The following ZNF8 variants were observed in gnomAD, a reference collection of about 807,000 sequenced individuals.
The protein encoded by ZNF8 is zinc finger protein 272.
A neutral mutation model predicts 12.2 loss-of-function variants in ZNF8; 9 were observed. The observed-to-expected ratio is 0.73, with a 90% CI of 0.44 to 1.28. The LOEUF (loss-of-function observed/expected upper bound fraction) is 1.28. ZNF8 is among the 50% of genes most tolerant of loss of function. The pLI, the probability that ZNF8 is intolerant of heterozygous loss-of-function variation, is 0.00. For missense variants in ZNF8, 664 were observed against 729.1 expected (o/e 0.91, Z 1.03); for synonymous variants, 274 against 282.3 (o/e 0.97, Z 0.30).
intron 1 of ZNF8, among the ~76,000 whole-genome samples, chr19:58,282,492 T>C (rs1211770840): frequency 2.0e-5 from 3 of 152,222 alleles, no homozygotes; most frequent in Non-Finnish European, 4.4e-5. Flanking sequence ...TTTGATGAAG[T>C]CCAATTGATT....
Position 58,279,906 on chromosome 19 carries a change from G to T in ZNF8, c.66+759G>T, listed in dbSNP as rs879285026. The T allele has an allele frequency of 1.1e-3, 1,270 of 1,194,546 alleles. 2 individuals are homozygous for T. Among genetic ancestry groups the T allele is most frequent in the Admixed American group, 1.4e-3 (44 of 31,754 alleles). The allele number at this position is 1,194,546 out of a possible 1,614,324, so 74.0% of individuals were successfully genotyped here. A position where few individuals can be genotyped will look rare whatever the true frequency, so the allele number is the denominator to read the frequency against. ...TTTTTTTATTTTTTGTCGTTGGTTT[G>T]TTCATGGGGATTTGCATTATTTCAG... On this transcript the variant is annotated intron_variant, in intron 1 of 3. Coordinates refer to ENST00000621650, the MANE Select transcript of ZNF8 (RefSeq NM_021089.3).
chr19:58,282,062 G>A (rs1018639701), intron 1 of ZNF8, among the ~76,000 whole-genome samples: 1 of 152,184 alleles, frequency 6.6e-6, no homozygotes, highest in East Asian at 1.9e-4. Context: ...GCAGTGAACC[G>A]AGATTGCACC....
intron 1 of ZNF8, among the ~76,000 whole-genome samples, chr19:58,280,788 C>T (rs767841467): frequency 1.3e-5 from 2 of 152,208 alleles, no homozygotes; most frequent in Non-Finnish European, 2.9e-5. Context: ...AATGTTTCCT[C>T]GTCTTTTCCA....
rs565267405 is a variant in ZNF8, at chr19:58,279,749, G to A, written c.66+602G>A. The stretch of plus-strand genomic sequence containing the variant: ...AGTGCAGGGCGGTCAGTGTTTGCAG[G>A]GCCATCTGGCCATCAGAGCTCCACT... On this transcript the variant is annotated intron_variant, in intron 1 of 3. Transcript: ENST00000621650. 4,846 of 1,504,412 alleles carry A rather than the reference G, an allele frequency of 3.2e-3. 16 individuals are homozygous for A. Among genetic ancestry groups the A allele is most frequent in the South Asian group, 3.8e-3 (314 of 82,926 alleles). 93.2% of individuals were successfully genotyped at this position (1,504,412 alleles called of 1,614,324 possible).
At chr19:58,279,990 G>A (rs2147952523) in intron 1 of ZNF8, 1 of 663,412 alleles carries the variant, frequency 1.5e-6, no homozygotes, top group Non-Finnish European at 2.1e-6. Context: ...GATGTGTGTT[G>A]CTCCAAATTT....
Position 58,286,123 on chromosome 19 carries a change from G to A in ZNF8, c.207G>A (p.Pro69=), listed in dbSNP as rs774247933. The change falls in exon 3 of 4, where the codon CCG becomes CCA. Residue 69 remains proline, a synonymous_variant. Coordinates refer to ENST00000621650, the MANE Select transcript of ZNF8 (RefSeq NM_021089.3). ...CCCCATTTCCAGGTCCTGAGCTTCC[G>A]AAGCCTGAAGTCATCTCCCAGCTGG... ...GHLLSIGPEL[P]KPEVISQLEQ... The A allele has an allele frequency of 9.9e-6, 16 of 1,613,930 alleles. No homozygotes were observed. The highest frequency in any genetic ancestry group is 2.2e-5 in the East Asian group (1 of 44,892).
chr19:58,288,821 G>C (rs757407641), intron 3 of ZNF8, among the ~76,000 whole-genome samples: 1 of 152,168 alleles, frequency 6.6e-6, no homozygotes. Flanking sequence ...GGAGTCGGGT[G>C]AATCTGCTGC....
chr19:58,287,792 ATTTTTTTGATTT>A (rs1268532186), intron 3 of ZNF8, among the ~76,000 whole-genome samples: 2 of 144,832 alleles, frequency 1.4e-5, no homozygotes, highest in African/African-American at 5.1e-5. Context: ...TGTCCAGCTG[ATTTTTTTGATTT>A]TTTTCTTTTT....
chr19:58,300,312 C>G lies in ZNF8; in HGVS notation c.*4776C>G, dbSNP rs982560451. 3 of 152,252 alleles carry G rather than the reference C, an allele frequency of 2.0e-5. No homozygotes were observed. In the East Asian group the frequency reaches 5.8e-4, roughly 29 times the overall value. 9.4% of individuals were successfully genotyped at this position (152,252 alleles called of 1,614,324 possible). ...TCAGCTGTGTCACAGTCGATGTTTT[C>G]TGCAATCTCTCAACCTTTCCATTGT... On this transcript the variant is annotated 3_prime_UTR_variant, in exon 4 of 4. Coordinates refer to ENST00000621650, the MANE Select transcript of ZNF8 (RefSeq NM_021089.3).
intron 1 of ZNF8, among the ~76,000 whole-genome samples, chr19:58,283,413 A>G (rs1201539828): frequency 6.6e-6 from 1 of 152,104 alleles, no homozygotes; most frequent in Non-Finnish European, 1.5e-5. Context: ...AGATAAGGTT[A>G]TCAGGATTGG....
Position 58,294,619 on chromosome 19 carries a change from C to A in ZNF8, c.811C>A (p.His271Asn). 1 of 1,614,170 alleles carries A rather than the reference C, an allele frequency of 6.2e-7. No homozygotes were observed. Among genetic ancestry groups the A allele is most frequent in the Non-Finnish European group, 8.5e-7 (1 of 1,180,046 alleles). The change falls in exon 4 of 4, where the codon CAC becomes AAC. Residue 271 changes from histidine to asparagine, a missense_variant. Transcript: ENST00000621650. The surrounding 1 kb of genome is among the most constrained non-coding windows in gnomAD (Gnocchi z 5.5). ...DCGKSFNHNA[H>N]LTVHKRIHTG... ...TGGGAAGTCGTTTAACCATAACGCA[C>A]ACCTCACCGTGCACAAGAGGATTCA...
Position 58,285,754 on chromosome 19 carries a change from C to G in ZNF8, c.104C>G (p.Thr35Ser). The change falls in exon 2 of 4, where the codon ACC becomes AGC. Residue 35 changes from threonine (T) to serine (S), a missense_variant. By Grantham distance (58) the Thr-to-Ser change is moderately conservative. This residue lies in a region of ZNF8 where 306 missense variants were observed against 308.7 expected (regional missense o/e 0.99). Transcript: ENST00000621650. ...VTFRDVAVDF[T>S]QEEWGQLDPT... is the part of the protein sequence containing the mutation. ...TTCCGGGATGTGGCTGTGGACTTTA[C>G]CCAGGAGGAATGGGGGCAGCTGGAC... 6.2e-7 allele frequency: 1 copy of G among 1,614,180 alleles called. No homozygotes were observed. The highest frequency in any genetic ancestry group is 1.1e-5 in the South Asian group (1 of 91,080).
In ZNF8 at chr19:58,279,154, A is replaced by C; in HGVS notation, c.66+7A>C. 1 of 1,558,890 alleles carries C rather than the reference A, an allele frequency of 6.4e-7. No individual in the cohort carries two copies. The highest frequency in any genetic ancestry group is 8.7e-7 in the Non-Finnish European group (1 of 1,152,588). On this transcript the variant is annotated splice_region_variant and intron_variant, in intron 1 of 3. Coordinates refer to ENST00000621650, the MANE Select transcript of ZNF8 (RefSeq NM_021089.3). The stretch of plus-strand genomic sequence containing the variant: ...GCCGGCGGCCCGGCTTCAGGTAACA[A>C]TAACAACAATAACGACGGCGGCGGG...
At chr19:58,281,855 G>A (rs2051352290) in intron 1 of ZNF8, among the ~76,000 whole-genome samples, 1 of 152,172 alleles carries the variant, frequency 6.6e-6, no homozygotes, top group South Asian at 2.1e-4. Flanking sequence ...GCTCATGCCT[G>A]TAATCCCAGC....
Position 58,294,298 on chromosome 19 carries a change from A to C in ZNF8, c.490A>C (p.Lys164Gln). The C allele has an allele frequency of 6.2e-7, 1 of 1,614,162 alleles. No individual in the cohort carries two copies. ...CTTGAAGCAGTTGGAATTTGGCCTC[A>C]AGGAAGCACCAGTTCAAGATCAAGG... ...NNLKQLEFGL[K>Q]EAPVQDQGYK... Residue 164 changes from lysine to glutamine, a missense_variant, in exon 4 of 4, where the codon AAG becomes CAG. Physicochemically the swap from Lys to Gln is moderately conservative, Grantham distance 53. Transcript: ENST00000621650. The surrounding 1 kb of genome is among the most constrained non-coding windows in gnomAD (Gnocchi z 5.5).
chr19:58,287,324 C>A (rs2051389531), intron 3 of ZNF8, among the ~76,000 whole-genome samples: 1 of 149,894 alleles, frequency 6.7e-6, no homozygotes, highest in Non-Finnish European at 1.5e-5. Context: ...CAGGCGTGAG[C>A]CACCATGCCC....
intron 3 of ZNF8, among the ~76,000 whole-genome samples, chr19:58,292,925 CCT>C (rs1036574533): frequency 2.6e-5 from 4 of 151,210 alleles, no homozygotes; most frequent in African/African-American, 9.7e-5. Flanking sequence ...TTAGAATAAA[CCT>C]CTGGGTGCTA....
At chr19:58,287,849 T>TTTTC (rs1406858708) in intron 3 of ZNF8, among the ~76,000 whole-genome samples, 1 of 143,094 alleles carries the variant, frequency 7.0e-6, no homozygotes, top group East Asian at 2.0e-4. Flanking sequence ...TTTTCTTTTT[T>TTTTC]TTTCTTTCTT....
chr19:58,294,121 C>T lies in ZNF8; in HGVS notation c.313C>T (p.Gln105Ter). Residue 105 changes from glutamine to a stop codon, truncating the protein, a stop_gained, in exon 4 of 4, where the codon CAA becomes TAA. Transcript: ENST00000621650. LOFTEE classifies it low-confidence loss of function (END_TRUNC). This position sits in a 1 kb window ranked among gnomAD's most constrained non-coding sequence, Gnocchi z 5.5. ...AGCCTGGGAGCCTCGATCTGAAAGC[C>T]AAGCATCACGCAAGGAAGAGGGCCT... ...HPAWEPRSES[Q>*]ASRKEEGLPE... 2 of 1,601,846 alleles carry T rather than the reference C, an allele frequency of 1.2e-6. No individual in the cohort carries two copies. Among genetic ancestry groups the T allele is most frequent in the Non-Finnish European group, 1.7e-6 (2 of 1,170,568 alleles).
Sources: gnomAD v4.1 joint callset for allele counts (sites outside exome capture counted in the v4.1 genomes callset) on GRCh38, gnomAD v4.1.1 for gene constraint, gnomAD v4.1.1 regional missense constraint, Gnocchi (gnomAD v3.1) non-coding constraint, MANE v1.5 for transcripts, NCBI Gene and HGNC (gene_info 2026-07-23, HGNC 2026-07-21) for gene names.